Variants in HERC4 observed in about 807,000 individuals in gnomAD.
The protein encoded by HERC4 is HECT and RLD domain containing E3 ubiquitin protein ligase 4.
Under a neutral mutation model 124.3 loss-of-function variants are expected in HERC4, and 28 were observed. The ratio of observed to expected loss-of-function variants is 0.23; its 90% CI spans 0.17 to 0.31. The LOEUF (loss-of-function observed/expected upper bound fraction) is 0.31, where lower values mean the gene tolerates loss of function less well. Ranked by LOEUF, HERC4 falls within the 10% of genes least tolerant of loss-of-function variation. The probability of loss-of-function intolerance (pLI) is 1.00; values close to 1 mark genes in which losing one functional copy is unlikely to be tolerated. For synonymous variants in HERC4, 407 were observed against 421.5 expected, an observed-to-expected ratio of 0.97 and a Z score of 0.42; for missense variants, 713 against 1,229.3, an observed-to-expected ratio of 0.58 and a Z score of 6.28.
chr10:68,000,690 G>C (rs1354707649), intron 9 of HERC4, among the ~76,000 whole-genome samples: 1 of 152,122 alleles, frequency 6.6e-6, no homozygotes, highest in African/African-American at 2.4e-5. Flanking sequence ...AATGGAGTAG[G>C]GTAGGTCCAT....
intron 24 of HERC4, among the ~76,000 whole-genome samples, chr10:67,924,141 C>T (rs943379338): frequency 6.6e-5 from 10 of 152,064 alleles, no homozygotes; most frequent in Non-Finnish European, 1.3e-4. Flanking sequence ...TGGATTGAAC[C>T]GACTGCAAAT....
intron 7 of HERC4, among the ~76,000 whole-genome samples, chr10:68,026,648 C>A (rs1352395768): frequency 6.6e-6 from 1 of 151,940 alleles, no homozygotes; most frequent in Non-Finnish European, 1.5e-5. Context: ...TCGAGACCAT[C>A]CTGGCTAAAA....
In HERC4 at chr10:67,925,072, T is replaced by C. The variant is rs1433043122; in HGVS notation, c.2941+13A>G. On this transcript the variant is annotated intron_variant, in intron 24 of 24. Coordinates refer to ENST00000373700, the MANE Select transcript of HERC4 (RefSeq NM_015601.4). ...CAGTCTCATAAAGTATACAACTAGT[T>C]AGAAATACTTACACAGAAACTGTTT... The C allele has an allele frequency of 7.3e-6, 10 of 1,375,902 alleles. No homozygotes were observed. The highest frequency in any genetic ancestry group is 1.0e-5 in the Non-Finnish European group (10 of 964,730). The allele number at this position is 1,375,902 out of a possible 1,614,324, so 85.2% of individuals were successfully genotyped here.
intron 3 of HERC4, among the ~76,000 whole-genome samples, chr10:68,051,582 A>G (rs1307296421): frequency 6.6e-6 from 1 of 151,318 alleles, no homozygotes; most frequent in African/African-American, 2.4e-5. Context: ...GATGGTCTTA[A>G]TCTCCTGACC....
intron 3 of HERC4, among the ~76,000 whole-genome samples, chr10:68,072,621 T>C (rs2041628424): frequency 6.6e-6 from 1 of 152,108 alleles, no homozygotes; most frequent in African/African-American, 2.4e-5. Flanking sequence ...CAAAGATTTA[T>C]ATACTGCAGG....
At position 68,039,956 on chromosome 10, in the gene HERC4, G is replaced by A. The variant is rs926811386; in HGVS notation, c.387-1787C>T. ...TGTTTTTTCCTTCAGAGCATTTATC[G>A]CTACTAACCACAGGTACCTATTCAT... On this transcript the variant is annotated intron_variant, in intron 4 of 24. Transcript: ENST00000373700. The A allele has an allele frequency of 9.7e-6, 8 of 823,788 alleles. No homozygotes were observed. In the African/African-American group the frequency reaches 1.3e-4, roughly 13 times the overall value. 51.0% of individuals were successfully genotyped at this position (823,788 alleles called of 1,614,324 possible). A position where few individuals can be genotyped will look rare whatever the true frequency, so the allele number is the denominator to read the frequency against.
chr10:67,942,605 C>G (rs4746721), intron 19 of HERC4, among the ~76,000 whole-genome samples: 152,294 of 152,296 alleles, frequency 1, 76,146 homozygotes, highest in Non-Finnish European at 1. Context: ...TCCACCTCCT[C>G]GGTTCAAGTG....
At chr10:68,051,718 C>G (rs947817411) in intron 3 of HERC4, among the ~76,000 whole-genome samples, 9 of 141,234 alleles carry the variant, frequency 6.4e-5, no homozygotes, top group Non-Finnish European at 1.2e-4. Flanking sequence ...GAGACAGGAT[C>G]TCACTCTGTT....
chr10:67,923,662 A>G (rs1289267226), intron 24 of HERC4, among the ~76,000 whole-genome samples: 4 of 151,944 alleles, frequency 2.6e-5, no homozygotes, highest in African/African-American at 7.3e-5. Context: ...GGCTCAAGCA[A>G]TCCTCTCTAC....
rs1269452903 is a variant in HERC4, at chr10:68,054,305, CT to C, written c.227-9743del. Among the ~76,000 whole-genome samples the C allele has an allele frequency of 2.0e-5, 3 of 148,196 alleles. No individual in the cohort carries two copies. In the East Asian group the frequency reaches 5.9e-4, roughly 29 times the overall value. ...TATAATTTTTTTTTCTTTTCTTCTT[CT>C]TTGTTTTATTAAACAACTGAATGTG... On this transcript the variant is annotated intron_variant, in intron 3 of 24. Coordinates refer to ENST00000373700, the MANE Select transcript of HERC4 (RefSeq NM_015601.4).
At chr10:67,927,379 C>G (rs1410549186) in intron 23 of HERC4, among the ~76,000 whole-genome samples, 1 of 88,024 alleles carries the variant, frequency 1.1e-5, no homozygotes, top group African/African-American at 5.7e-5. Flanking sequence ...ATAAATACAC[C>G]ATATATATAT....
intron 3 of HERC4, among the ~76,000 whole-genome samples, chr10:68,045,874 G>C (rs577080796): frequency 3.3e-5 from 5 of 152,154 alleles, no homozygotes; most frequent in African/African-American, 9.6e-5. Flanking sequence ...AACCAAAGAG[G>C]CTGAAATTCC....
intron 9 of HERC4, among the ~76,000 whole-genome samples, chr10:68,004,185 GATT>G (rs1221934240): frequency 6.6e-6 from 1 of 152,058 alleles, no homozygotes; most frequent in African/African-American, 2.4e-5. Context: ...TTTTTAATGA[GATT>G]ATTAGATTTT....
chr10:68,026,245 AC>A (rs1469590769), intron 7 of HERC4, among the ~76,000 whole-genome samples: 1 of 152,002 alleles, frequency 6.6e-6, no homozygotes, highest in Non-Finnish European at 1.5e-5. Flanking sequence ...GCAGGCATGC[AC>A]CACCACATCT....
intron 16 of HERC4, among the ~76,000 whole-genome samples, chr10:67,961,621 A>C (rs1459991137): frequency 6.6e-6 from 1 of 151,898 alleles, no homozygotes; most frequent in Non-Finnish European, 1.5e-5. Context: ...AGTTTGGGGG[A>C]CCCTCCCCAA....
chr10:68,069,557 C>T (rs1478522433), intron 3 of HERC4: 2 of 985,266 alleles, frequency 2.0e-6, no homozygotes, highest in Non-Finnish European at 2.4e-6. Flanking sequence ...TAAATCTATT[C>T]ACTACATTGT....
rs193019371 is a variant in HERC4 at position 67,952,999 on chromosome 10, T to C, written c.2337+1596A>G. Among the ~76,000 whole-genome samples the C allele has an allele frequency of 2.3e-3, 350 of 152,162 alleles. 1 individual carries two copies. The highest frequency in any genetic ancestry group is 3.9e-3 in the Non-Finnish European group (267 of 67,998). ...TTTTCTCCAGTGGTAACAGCTTACATAGCCATGGTCAAAACCAGGAAAATT... is the reference window on the plus strand; with the variant it reads ...TTTTCTCCAGTGGTAACAGCTTACACAGCCATGGTCAAAACCAGGAAAATT... On this transcript the variant is annotated intron_variant, in intron 19 of 24. Coordinates refer to ENST00000373700, the MANE Select transcript of HERC4 (RefSeq NM_015601.4).
chr10:67,974,121 T>C (rs10823122), intron 15 of HERC4, among the ~76,000 whole-genome samples: 1,006 of 55,810 alleles, frequency 0.018, 45 homozygotes, highest in East Asian at 0.089. Flanking sequence ...CACACACACA[T>C]ACACACAGGG....
intron 16 of HERC4, chr10:67,961,308 T>C (rs2034503815): frequency 6.5e-6 from 1 of 154,080 alleles, no homozygotes; most frequent in South Asian, 2.0e-4. Flanking sequence ...AGATATAATT[T>C]TGGTTCCTTG....
Sources: gnomAD v4.1 joint callset for allele counts (sites outside exome capture counted in the v4.1 genomes callset) on GRCh38, gnomAD v4.1.1 for gene constraint, MANE v1.5 for transcripts, NCBI Gene and HGNC (gene_info 2026-07-23, HGNC 2026-07-21) for gene names.